DYM: variants seen among roughly 807,000 people sequenced by gnomAD.
The protein encoded by DYM is dyggve-Melchior-Clausen syndrome protein.
In DYM, 78 loss-of-function variants were observed where a neutral mutation model predicts 93.1. The observed-to-expected ratio is 0.84, with a 90% CI of 0.70 to 1.01. DYM has a LOEUF of 1.01. Among genes scored for constraint, DYM ranks in the 50% least tolerant of loss-of-function variants. DYM has a pLI of 0.00. For synonymous variants in DYM, 321 were observed against 319.7 expected, an observed-to-expected ratio of 1.00 and a Z score of -0.04; for missense variants, 789 against 845.0, an observed-to-expected ratio of 0.93 and a Z score of 0.82.
At chr18:49,176,970 G>A (rs1038998985) in intron 14 of DYM, among the ~76,000 whole-genome samples, 1 of 152,012 alleles carries the variant, frequency 6.6e-6, no homozygotes, top group African/African-American at 2.4e-5. Context: ...ATTATGTTCT[G>A]TAAAGAAAGA....
intron 10 of DYM, among the ~76,000 whole-genome samples, chr18:49,273,305 T>C (rs542845246): frequency 1.4e-4 from 22 of 152,316 alleles, no homozygotes; most frequent in Admixed American, 4.6e-4. Context: ...CAAGCAGTCA[T>C]TGCTCTGTCT....
At chr18:49,270,024 C>A (rs1479881457) in intron 11 of DYM, among the ~76,000 whole-genome samples, 1 of 152,086 alleles carries the variant, frequency 6.6e-6, no homozygotes. Context: ...AAATACTTAC[C>A]ATTGTGTTAC....
chr18:49,292,622 A>ACAC (rs2060232653), intron 8 of DYM, among the ~76,000 whole-genome samples: 1 of 85,386 alleles, frequency 1.2e-5, no homozygotes, highest in African/African-American at 4.4e-5. Flanking sequence ...AAAAAAAAAA[A>ACAC]AAACCCCCAC....
At chr18:49,326,426 C>G (rs889073131) in intron 8 of DYM, among the ~76,000 whole-genome samples, 2 of 151,750 alleles carry the variant, frequency 1.3e-5, no homozygotes, top group African/African-American at 4.8e-5. Context: ...TTCATTCTAA[C>G]CACTTCCAGT....
At chr18:49,046,361 AGAC>A (rs1158343203) in intron 17 of DYM, among the ~76,000 whole-genome samples, 20 of 151,450 alleles carry the variant, frequency 1.3e-4, no homozygotes, top group African/African-American at 4.9e-4. Flanking sequence ...ATGCACATAC[AGAC>A]AACACAGACA....
At chr18:49,376,186 G>A (rs950659707) in intron 5 of DYM, among the ~76,000 whole-genome samples, 1 of 152,116 alleles carries the variant, frequency 6.6e-6, no homozygotes, top group African/African-American at 2.4e-5. Context: ...TCCCTCCAGA[G>A]AACCCTAATA....
At chr18:49,206,770 G>T (rs1353052002) in intron 14 of DYM, among the ~76,000 whole-genome samples, 2 of 152,130 alleles carry the variant, frequency 1.3e-5, no homozygotes, top group Non-Finnish European at 2.9e-5. Flanking sequence ...GAAAAAAATG[G>T]GCAGGGCCTC....
chr18:49,182,303 G>A (rs1049394079), intron 14 of DYM, among the ~76,000 whole-genome samples: 1 of 152,222 alleles, frequency 6.6e-6, no homozygotes, highest in Non-Finnish European at 1.5e-5. Context: ...AAATGTCAAC[G>A]AGGTGAAGTT....
intron 13 of DYM, 30 bp from the exon 14 acceptor site, chr18:49,209,745 A>G: frequency 8.3e-7 from 1 of 1,201,578 alleles, no homozygotes. Context: ...GGAGAGAAAC[A>G]GAAAGAGAGG....
intron 11 of DYM, among the ~76,000 whole-genome samples, chr18:49,261,722 T>C (rs1337261198): frequency 1.3e-5 from 2 of 152,212 alleles, no homozygotes; most frequent in African/African-American, 4.8e-5. Context: ...TTAAAAAAAT[T>C]AAATATGTTT....
rs1247491539 is a variant in DYM at position 49,149,715 on chromosome 18, T to TG, written c.1728+13969_1728+13970insC. On this transcript the variant is annotated intron_variant, in intron 15 of 17. Transcript: ENST00000675505. ...CCATTACAAAGTGTTTTTTTTTTTTTTTTTTTTTTTGAGATGGAATCTCGC... is the reference window on the plus strand; with the variant it reads ...CCATTACAAAGTGTTTTTTTTTTTTTGTTTTTTTTTTGAGATGGAATCTCGC... Among the ~76,000 whole-genome samples the TG allele has an allele frequency of 2.8e-5, 4 of 143,932 alleles. No individual in the cohort carries two copies. In the South Asian group the frequency reaches 7.0e-4, roughly 25 times the overall value. 94.4% of individuals were successfully genotyped at this position (143,932 alleles called of 152,430 possible).
At chr18:49,061,266 G>A (rs1406260054) in intron 17 of DYM, among the ~76,000 whole-genome samples, 1 of 152,132 alleles carries the variant, frequency 6.6e-6, no homozygotes, top group Non-Finnish European at 1.5e-5. Context: ...GCTTCAAGGA[G>A]GAGAAGGCAC....
Position 49,379,689 on chromosome 18 carries a change from A to G in DYM, c.263T>C (p.Leu88Pro). ...IKVFLSRTKE[L>P]KLSAECQNHI... is the part of the protein sequence containing the mutation. The stretch of plus-strand genomic sequence containing the variant: ...CTTCTGACATTCTGCTGAAAGTTTT[A>G]GTTCTTTGGTTCTAGAAAGGAAGAC... Residue 88 changes from leucine to proline, a missense_variant, in exon 4 of 18, where the codon CTA becomes CCA. Transcript: ENST00000675505. 6.2e-7 allele frequency: 1 copy of G among 1,613,048 alleles called. No individual in the cohort carries two copies. Among genetic ancestry groups the G allele is most frequent in the Non-Finnish European group, 8.5e-7 (1 of 1,179,214 alleles).
At chr18:49,222,477 G>A (rs1229109432) in intron 13 of DYM, among the ~76,000 whole-genome samples, 1 of 151,998 alleles carries the variant, frequency 6.6e-6, no homozygotes, top group Non-Finnish European at 1.5e-5. Context: ...AGGAAGCAAG[G>A]AAACTGTCAA....
At chr18:49,353,687 C>A (rs1231193199) in intron 6 of DYM, among the ~76,000 whole-genome samples, 2 of 151,514 alleles carry the variant, frequency 1.3e-5, no homozygotes, top group Non-Finnish European at 3.0e-5. Flanking sequence ...CATTAAGAAC[C>A]AAGAAAATAA....
intron 17 of DYM, among the ~76,000 whole-genome samples, chr18:49,084,872 G>A (rs1197108442): frequency 6.6e-6 from 1 of 152,140 alleles, no homozygotes; most frequent in Non-Finnish European, 1.5e-5. Flanking sequence ...ACACGCAGAT[G>A]GTAAAATTAT....
intron 16 of DYM, among the ~76,000 whole-genome samples, chr18:49,110,124 C>T (rs2081258021): frequency 6.6e-6 from 1 of 152,174 alleles, no homozygotes; most frequent in Non-Finnish European, 1.5e-5. Context: ...CTATGGCTGC[C>T]ATTGAATTAC....
At chr18:49,244,312 C>A (rs1237263268) in intron 13 of DYM, among the ~76,000 whole-genome samples, 1 of 152,136 alleles carries the variant, frequency 6.6e-6, no homozygotes, top group Admixed American at 6.5e-5. Flanking sequence ...GTGTCTGGGA[C>A]CCCCACTATT....
At chr18:49,085,844 A>T (rs2078474890) in intron 17 of DYM, among the ~76,000 whole-genome samples, 1 of 152,044 alleles carries the variant, frequency 6.6e-6, no homozygotes, top group Non-Finnish European at 1.5e-5. Context: ...CTGACTGGTG[A>T]TCCACCCGCC....
Sources: gnomAD v4.1 joint callset for allele counts (sites outside exome capture counted in the v4.1 genomes callset) on GRCh38, gnomAD v4.1.1 for gene constraint, MANE v1.5 for transcripts, NCBI Gene and HGNC (gene_info 2026-07-23, HGNC 2026-07-21) for gene names.